The following UBE2E2 variants were observed in gnomAD, a reference collection of about 807,000 sequenced individuals.
The protein encoded by UBE2E2 is ubiquitin conjugating enzyme E2 E2, also known as ubiquitin-conjugating enzyme E2 E2.
In UBE2E2, 6 loss-of-function variants were observed where a neutral mutation model predicts 24.7. The ratio of observed to expected loss-of-function variants is 0.24; its 90% CI spans 0.13 to 0.48. The LOEUF is 0.48. UBE2E2 is among the 20% of genes least tolerant of loss of function. The pLI is 0.99. For missense variants in UBE2E2, 169 were observed against 245.0 expected (o/e 0.69, Z 2.07); for synonymous variants, 104 against 83.6 (o/e 1.24, Z -1.33).
At chr3:23,361,450 T>G (rs1052206616) in intron 3 of UBE2E2, among the ~76,000 whole-genome samples, 2 of 152,006 alleles carry the variant, frequency 1.3e-5, no homozygotes, top group Admixed American at 1.3e-4. Context: ...GACCAATGAG[T>G]GGTTAAAGAA....
intron 1 of UBE2E2, among the ~76,000 whole-genome samples, chr3:23,204,502 C>A (rs980710796): frequency 2.6e-5 from 4 of 152,018 alleles, no homozygotes; most frequent in African/African-American, 9.7e-5. Context: ...GTTTTTAATC[C>A]CTGATTTCTT....
At chr3:23,581,007 A>G (rs750312634) in intron 5 of UBE2E2, among the ~76,000 whole-genome samples, 7 of 152,182 alleles carry the variant, frequency 4.6e-5, no homozygotes, top group Non-Finnish European at 8.8e-5. Flanking sequence ...CGTTTTGCAT[A>G]TGGCAAAGGG....
chr3:23,381,554 T>C (rs1017493675), intron 3 of UBE2E2, among the ~76,000 whole-genome samples: 2 of 152,246 alleles, frequency 1.3e-5, no homozygotes, highest in Non-Finnish European at 2.9e-5. Flanking sequence ...ATTATTACTC[T>C]GCTGGACCTG....
intron 3 of UBE2E2, among the ~76,000 whole-genome samples, chr3:23,479,691 A>C (rs1163017524): frequency 1.3e-5 from 2 of 152,190 alleles, no homozygotes; most frequent in Non-Finnish European, 2.9e-5. Flanking sequence ...TGAGTGACAG[A>C]ATGGCTCTCA....
rs552980854 is a variant in UBE2E2 at position 23,571,540 on chromosome 3, G to C, written c.509-18194G>C. ...CCTGACCTCGTGATCCGCCCATCTC[G>C]GCCTCCCAAAGTGCTGGGATTACAG... On this transcript the variant is annotated intron_variant, in intron 5 of 5. Coordinates refer to ENST00000396703, the MANE Select transcript of UBE2E2 (RefSeq NM_152653.4). Among the ~76,000 whole-genome samples the C allele has an allele frequency of 1.6e-3, 245 of 151,620 alleles. 1 individual carries two copies. The highest frequency in any genetic ancestry group is 5.3e-3 in the African/African-American group (220 of 41,364).
intron 3 of UBE2E2, among the ~76,000 whole-genome samples, chr3:23,251,246 A>G (rs1022922980): frequency 1.3e-5 from 2 of 152,068 alleles, no homozygotes; most frequent in African/African-American, 4.8e-5. Flanking sequence ...TTGTGTGGGA[A>G]TCTGGGGGAG....
chr3:23,307,721 A>T (rs1699274605), intron 3 of UBE2E2, among the ~76,000 whole-genome samples: 1 of 152,208 alleles, frequency 6.6e-6, no homozygotes, highest in Non-Finnish European at 1.5e-5. Flanking sequence ...AGTATTAGTT[A>T]TGAATTATCA....
intron 3 of UBE2E2, among the ~76,000 whole-genome samples, chr3:23,285,480 A>T (rs1008046486): frequency 6.6e-6 from 1 of 152,110 alleles, no homozygotes; most frequent in Non-Finnish European, 1.5e-5. Flanking sequence ...GTACTAATTT[A>T]TGTTCCCACC....
At chr3:23,325,439 A>C (rs1001398983) in intron 3 of UBE2E2, among the ~76,000 whole-genome samples, 1 of 152,194 alleles carries the variant, frequency 6.6e-6, no homozygotes, top group African/African-American at 2.4e-5. Context: ...TTTCTTGACT[A>C]GTGATGACTC....
intron 5 of UBE2E2, 124 bp downstream of exon 5, chr3:23,532,825 T>A: frequency 1.1e-6 from 1 of 913,582 alleles, no homozygotes; most frequent in Non-Finnish European, 1.5e-6. Context: ...TATTGTTAAA[T>A]TTTCATAGTA....
At chr3:23,276,559 A>C (rs1698378938) in intron 3 of UBE2E2, among the ~76,000 whole-genome samples, 1 of 152,122 alleles carries the variant, frequency 6.6e-6, no homozygotes, top group African/African-American at 2.4e-5. Context: ...AAATGTATGA[A>C]TCTTAGAGTG....
At chr3:23,328,765 G>A (rs535980522) in intron 3 of UBE2E2, among the ~76,000 whole-genome samples, 2 of 151,786 alleles carry the variant, frequency 1.3e-5, no homozygotes, top group Non-Finnish European at 2.9e-5. Flanking sequence ...AGATTCAAGC[G>A]ATTCTCCTGC....
At chr3:23,424,110 C>A (rs749493651) in intron 3 of UBE2E2, among the ~76,000 whole-genome samples, 22 of 152,166 alleles carry the variant, frequency 1.4e-4, no homozygotes, top group Non-Finnish European at 2.8e-4. Context: ...GTTTGATAAT[C>A]TTACTAAATT....
intron 4 of UBE2E2, among the ~76,000 whole-genome samples, chr3:23,531,613 AAAAAT>A (rs140026661): frequency 0.014 from 2,143 of 152,346 alleles, 47 homozygotes; most frequent in African/African-American, 0.049. Context: ...ATTACGTTTT[AAAAAT>A]AAAATTTAAG....
At chr3:23,301,363 A>AT (rs906229005) in intron 3 of UBE2E2, among the ~76,000 whole-genome samples, 1 of 152,026 alleles carries the variant, frequency 6.6e-6, no homozygotes, top group Non-Finnish European at 1.5e-5. Flanking sequence ...AGGCACTCTG[A>AT]TTTTTAGTTT....
intron 3 of UBE2E2, among the ~76,000 whole-genome samples, chr3:23,256,991 T>G (rs1196453496): frequency 6.6e-6 from 1 of 152,254 alleles, no homozygotes; most frequent in East Asian, 1.9e-4. Context: ...ATTTAGGTCG[T>G]GTGAACCACG....
At chr3:23,270,952 T>C in intron 3 of UBE2E2, 1 of 456,784 alleles carries the variant, frequency 2.2e-6, no homozygotes, top group Non-Finnish European at 4.4e-6. Flanking sequence ...GTTAACAGGC[T>C]GTTCCTGATT....
At chr3:23,373,181 C>G (rs1345137059) in intron 3 of UBE2E2, among the ~76,000 whole-genome samples, 3 of 152,160 alleles carry the variant, frequency 2.0e-5, no homozygotes, top group Non-Finnish European at 4.4e-5. Flanking sequence ...AACTTAAAGA[C>G]TCACTACTCT....
rs1696742927 is a variant in UBE2E2 at position 23,590,787 on chromosome 3, A to G, written c.*956A>G. The G allele has an allele frequency of 2.0e-5, 3 of 152,208 alleles. No homozygotes were observed. Among genetic ancestry groups the G allele is most frequent in the Admixed American group, 2.0e-4 (3 of 15,282 alleles). 9.4% of individuals were successfully genotyped at this position (152,208 alleles called of 1,614,324 possible). On this transcript the variant is annotated 3_prime_UTR_variant, in exon 6 of 6. Transcript: ENST00000396703. Reference sequence around the variant, plus strand: ...ATGGTTGTTATAGTAAATTGCTATCATTTTACATATTGACTGGGCATTCTT... The same window carrying G: ...ATGGTTGTTATAGTAAATTGCTATCGTTTTACATATTGACTGGGCATTCTT...
Sources: allele counts gnomAD v4.1 joint callset (sites outside exome capture counted in the v4.1 genomes callset), GRCh38; gene constraint gnomAD v4.1.1; transcripts MANE v1.5; gene names NCBI Gene and HGNC (gene_info 2026-07-23, HGNC 2026-07-21).